C1orf21: variants seen among roughly 807,000 people sequenced by gnomAD.
C1orf21 encodes chromosome 1 open reading frame 21.
Under a neutral mutation model 18.7 loss-of-function variants are expected in C1orf21, and 3 were observed. The ratio of observed to expected loss-of-function variants is 0.16; its 90% confidence interval spans 0.07 to 0.42. The LOEUF is 0.42. C1orf21 is among the 10% of genes least tolerant of loss of function. The pLI, the probability that C1orf21 is intolerant of heterozygous loss-of-function variation, is 0.99. For missense variants in C1orf21, 104 were observed against 143.6 expected (o/e 0.72, Z 1.41); for synonymous variants, 41 against 46.4 (o/e 0.88, Z 0.47).
At chr1:184,499,141 C>T (rs1245880621) in intron 2 of C1orf21, among the ~76,000 whole-genome samples, 1 of 151,984 alleles carries the variant, frequency 6.6e-6, no homozygotes, top group Non-Finnish European at 1.5e-5. Flanking sequence ...CCTCTTCTTC[C>T]TCCTCCCCTT....
At chr1:184,430,113 C>CAAA (rs34368090) in intron 1 of C1orf21, among the ~76,000 whole-genome samples, 12 of 100,266 alleles carry the variant, frequency 1.2e-4, no homozygotes, top group Admixed American at 3.2e-4. Context: ...CTCCGTCTCA[C>CAAA]AAAAAAAAAA....
At chr1:184,504,538 G>T (rs889344088) in intron 2 of C1orf21, among the ~76,000 whole-genome samples, 1 of 152,202 alleles carries the variant, frequency 6.6e-6, no homozygotes, top group Non-Finnish European at 1.5e-5. Context: ...TGGTGAGGTA[G>T]GACGTTCCTG....
intron 1 of C1orf21, among the ~76,000 whole-genome samples, chr1:184,458,180 G>T (rs189262464): frequency 6.6e-6 from 1 of 152,118 alleles, no homozygotes; most frequent in Non-Finnish European, 1.5e-5. Flanking sequence ...AAGTGTGGGG[G>T]ATACGTGACT....
At chr1:184,416,827 GT>G (rs1199749396) in intron 1 of C1orf21, among the ~76,000 whole-genome samples, 1 of 152,174 alleles carries the variant, frequency 6.6e-6, no homozygotes, top group Non-Finnish European at 1.5e-5. Flanking sequence ...ATGGAGCAAT[GT>G]TTTTCATCGT....
At chr1:184,510,880 C>T (rs1658133320) in intron 3 of C1orf21, among the ~76,000 whole-genome samples, 1 of 152,036 alleles carries the variant, frequency 6.6e-6, no homozygotes, top group African/African-American at 2.4e-5. Flanking sequence ...AATGGGAGAC[C>T]AGTCACAATA....
At chr1:184,578,993 T>TAA (rs67905484) in intron 3 of C1orf21, among the ~76,000 whole-genome samples, 1 of 121,680 alleles carries the variant, frequency 8.2e-6, no homozygotes, top group South Asian at 2.6e-4. Context: ...TTGTGAAGGT[T>TAA]AAAAAAAAAA....
rs1442712481 is a variant in C1orf21, at chr1:184,626,958, TA to T, written c.*7404del. 6.6e-6 allele frequency: 1 copy of T among 152,614 alleles called. No individual in the cohort carries two copies. The highest frequency in any genetic ancestry group is 1.5e-5 in the Non-Finnish European group (1 of 68,050). The allele number at this position is 152,614 out of a possible 1,614,324, so 9.5% of individuals were successfully genotyped here. On this transcript the variant is annotated 3_prime_UTR_variant, in exon 6 of 6. Coordinates refer to ENST00000235307, the MANE Select transcript of C1orf21 (RefSeq NM_030806.4). ...GGCTTCCCTGTCTAGTGTGTGATCC[TA>T]ACTAAAGGCAGCTCTCTTGGACAGC...
intron 2 of C1orf21, among the ~76,000 whole-genome samples, chr1:184,482,523 G>C (rs1657673671): frequency 6.6e-6 from 1 of 152,208 alleles, no homozygotes; most frequent in African/African-American, 2.4e-5. Context: ...ATGACTCCAT[G>C]ACTGGGATAT....
Position 184,619,883 on chromosome 1 carries a change from C to A in C1orf21, c.*327C>A. 1 of 240,332 alleles carries A rather than the reference C, an allele frequency of 4.2e-6. No homozygotes were observed. The highest frequency in any genetic ancestry group is 7.9e-6 in the Non-Finnish European group (1 of 126,556). The allele number at this position is 240,332 out of a possible 1,614,324, so 14.9% of individuals were successfully genotyped here. A position where few individuals can be genotyped will look rare whatever the true frequency, so the allele number is the denominator to read the frequency against. On this transcript the variant is annotated 3_prime_UTR_variant, in exon 6 of 6. Transcript: ENST00000235307. ...ATACTGTTGGTTTTACAGATGCTCT[C>A]CAACCTATTTTCTATAAGATGAGGT...
chr1:184,579,251 C>T (rs1488997786), intron 3 of C1orf21, among the ~76,000 whole-genome samples: 1 of 149,284 alleles, frequency 6.7e-6, no homozygotes, highest in Non-Finnish European at 1.5e-5. Flanking sequence ...AGGGTTCCAC[C>T]ATGTTAGCCA....
At chr1:184,475,754 TG>T (rs1249713760) in intron 1 of C1orf21, among the ~76,000 whole-genome samples, 2 of 151,272 alleles carry the variant, frequency 1.3e-5, no homozygotes, top group Non-Finnish European at 3.0e-5. Context: ...TGTGTGTGTG[TG>T]TGTGTGTGTG....
chr1:184,540,585 A>G (rs1193674433), intron 3 of C1orf21, among the ~76,000 whole-genome samples: 1 of 152,118 alleles, frequency 6.6e-6, no homozygotes, highest in Non-Finnish European at 1.5e-5. Flanking sequence ...GCATGACACC[A>G]TGCCCGGCTA....
intron 1 of C1orf21, among the ~76,000 whole-genome samples, chr1:184,440,333 C>G (rs2101974592): frequency 6.6e-6 from 1 of 152,326 alleles, no homozygotes; most frequent in Admixed American, 6.5e-5. Flanking sequence ...ACCTCTGCCT[C>G]CCGGGTCCAA....
At chr1:184,467,987 G>GGTGTGT (rs71782493) in intron 1 of C1orf21, among the ~76,000 whole-genome samples, 6,681 of 148,952 alleles carry the variant, frequency 0.045, 514 homozygotes, top group African/African-American at 0.16. Context: ...GAGCTTTTAT[G>GGTGTGT]GTGTGTGTGT....
chr1:184,500,790 C>G (rs563322023), intron 2 of C1orf21, among the ~76,000 whole-genome samples: 1 of 152,166 alleles, frequency 6.6e-6, no homozygotes, highest in Non-Finnish European at 1.5e-5. Context: ...CATGACTGCT[C>G]CTCATTCTGA....
intron 2 of C1orf21, among the ~76,000 whole-genome samples, chr1:184,493,695 G>A (rs972683703): frequency 1.3e-5 from 2 of 152,136 alleles, no homozygotes; most frequent in African/African-American, 2.4e-5. Flanking sequence ...TATTGTGTTA[G>A]CTGTTTAACA....
rs548151225 is a variant in C1orf21 at position 184,419,287 on chromosome 1, T to C, written c.-125+31919T>C. ...TGAGAAGACATGTAAAACGATATCC[T>C]GTGCATAGTAAATTTTCACTAAACG... On this transcript the variant is annotated intron_variant, in intron 1 of 5. Coordinates refer to ENST00000235307, the MANE Select transcript of C1orf21 (RefSeq NM_030806.4). Among the ~76,000 whole-genome samples the C allele has an allele frequency of 7.2e-5, 11 of 152,334 alleles. No homozygotes were observed. In the South Asian group the frequency reaches 1.9e-3, roughly 26 times the overall value.
At chr1:184,455,933 C>A (rs963786637) in intron 1 of C1orf21, among the ~76,000 whole-genome samples, 3 of 151,994 alleles carry the variant, frequency 2.0e-5, no homozygotes, top group African/African-American at 7.3e-5. Flanking sequence ...TATTTTGAGC[C>A]CTGAGAGGAA....
At chr1:184,584,756 G>T (rs1032164862) in intron 3 of C1orf21, among the ~76,000 whole-genome samples, 5 of 152,302 alleles carry the variant, frequency 3.3e-5, no homozygotes, top group African/African-American at 1.2e-4. Context: ...ATAGAATACT[G>T]TTATATGCTA....
Sources: gnomAD v4.1 joint callset for allele counts (sites outside exome capture counted in the v4.1 genomes callset) on GRCh38, gnomAD v4.1.1 for gene constraint, MANE v1.5 for transcripts, NCBI Gene and HGNC (gene_info 2026-07-23, HGNC 2026-07-21) for gene names.